RORB: variants seen among roughly 807,000 people sequenced by gnomAD.
RORB encodes the protein RAR related orphan receptor B.
RORB carries 6 observed loss-of-function variants against 59.1 expected under a neutral mutation model. That is an observed-to-expected ratio of 0.10 (90% CI 0.06 to 0.20). RORB has a LOEUF of 0.20. Among genes scored for constraint, RORB ranks in the 10% least tolerant of loss-of-function variants. The probability of loss-of-function intolerance (pLI) is 1.00; values close to 1 mark genes in which losing one functional copy is unlikely to be tolerated. For missense variants in RORB, 320 were observed against 560.5 expected, an observed-to-expected ratio of 0.57 and a Z score of 4.33; for synonymous variants, 215 against 204.5, an observed-to-expected ratio of 1.05 and a Z score of -0.44.
At chr9:74,534,257 A>C (rs898243785) in intron 1 of RORB, among the ~76,000 whole-genome samples, 6 of 151,962 alleles carry the variant, frequency 3.9e-5, no homozygotes, top group Non-Finnish European at 7.4e-5. Flanking sequence ...TGGTGAATGG[A>C]GGTTGGTAGT....
intron 1 of RORB, among the ~76,000 whole-genome samples, chr9:74,528,391 G>A (rs540267588): frequency 1.3e-5 from 2 of 152,106 alleles, no homozygotes; most frequent in East Asian, 1.9e-4. Context: ...AGGCATCAAC[G>A]TCTCAAGTGT....
chr9:74,683,487 A>G (rs1276711118), intron 9 of RORB, among the ~76,000 whole-genome samples: 1 of 152,142 alleles, frequency 6.6e-6, no homozygotes, highest in East Asian at 1.9e-4. Flanking sequence ...AACGTGAACT[A>G]TGAGGGCTTA....
intron 1 of RORB, among the ~76,000 whole-genome samples, chr9:74,560,695 T>C (rs925151351): frequency 5.9e-5 from 9 of 151,428 alleles, no homozygotes; most frequent in African/African-American, 2.2e-4. Flanking sequence ...AATAAAATAA[T>C]AAATTTATAT....
At chr9:74,531,926 T>C (rs1249740453) in intron 1 of RORB, among the ~76,000 whole-genome samples, 1 of 152,008 alleles carries the variant, frequency 6.6e-6, no homozygotes, top group East Asian at 1.9e-4. Context: ...CATTGCCATT[T>C]AAAGTTACAT....
At chr9:74,515,896 A>G (rs1313358410) in intron 1 of RORB, among the ~76,000 whole-genome samples, 1 of 152,092 alleles carries the variant, frequency 6.6e-6, no homozygotes, top group African/African-American at 2.4e-5. Flanking sequence ...AATCACAGAG[A>G]AACTTTTCAG....
At chr9:74,602,971 G>A (rs188098371) in intron 1 of RORB, among the ~76,000 whole-genome samples, 4 of 152,258 alleles carry the variant, frequency 2.6e-5, no homozygotes, top group East Asian at 1.9e-4. Flanking sequence ...TAATGTAAAC[G>A]AGTATAAGCC....
intron 1 of RORB, among the ~76,000 whole-genome samples, chr9:74,615,265 G>A (rs901742643): frequency 3.3e-5 from 5 of 152,160 alleles, no homozygotes; most frequent in African/African-American, 1.2e-4. Flanking sequence ...AAACAAAGGG[G>A]AATTTAAGTG....
chr9:74,569,712 AT>A (rs1378806549), intron 1 of RORB, among the ~76,000 whole-genome samples: 1 of 152,084 alleles, frequency 6.6e-6, no homozygotes, highest in African/African-American at 2.4e-5. Flanking sequence ...TTGGTTTAAA[AT>A]TTTAAAATAC....
At chr9:74,677,280 T>A (rs1005091759) in intron 9 of RORB, among the ~76,000 whole-genome samples, 1 of 152,224 alleles carries the variant, frequency 6.6e-6, no homozygotes, top group Non-Finnish European at 1.5e-5. Flanking sequence ...TCCTGACTTC[T>A]GACCTACTAT....
chr9:74,553,806 C>A (rs1038414821), intron 1 of RORB, among the ~76,000 whole-genome samples: 2 of 152,126 alleles, frequency 1.3e-5, no homozygotes, highest in Admixed American at 6.6e-5. Flanking sequence ...CCTACAAAAA[C>A]CAGAGTAGGC....
chr9:74,659,966 T>G (rs1239684662), intron 4 of RORB, among the ~76,000 whole-genome samples: 1 of 139,058 alleles, frequency 7.2e-6, no homozygotes, highest in Middle Eastern at 3.6e-3. Context: ...ATGGTCCCTA[T>G]GACCCAATTC....
chr9:74,642,394 T>G lies in RORB; in HGVS notation c.236-20T>G. On this transcript the variant is annotated intron_variant, in intron 3 of 9. Coordinates refer to ENST00000376896, the MANE Select transcript of RORB (RefSeq NM_006914.4). ...AATGATAACCACAAGTGCTGTTTTC[T>G]GCTTTTCTCTCCAACCCAGCTGTGA... The G allele has an allele frequency of 6.3e-7, 1 of 1,587,468 alleles. No homozygotes were observed. Among genetic ancestry groups the G allele is most frequent in the Non-Finnish European group, 8.6e-7 (1 of 1,166,254 alleles).
chr9:74,677,355 A>G (rs1824460317), intron 9 of RORB, among the ~76,000 whole-genome samples: 1 of 152,234 alleles, frequency 6.6e-6, no homozygotes, highest in African/African-American at 2.4e-5. Context: ...CTTTAGACTT[A>G]TATATACTTA....
intron 1 of RORB, among the ~76,000 whole-genome samples, chr9:74,523,918 A>G (rs1213250667): frequency 6.6e-6 from 1 of 151,088 alleles, no homozygotes; most frequent in Non-Finnish European, 1.5e-5. Flanking sequence ...GCTCTTGAGA[A>G]TGAGTCAATG....
intron 1 of RORB, among the ~76,000 whole-genome samples, chr9:74,532,280 C>T (rs1587345648): frequency 6.6e-6 from 1 of 152,040 alleles, no homozygotes; most frequent in East Asian, 1.9e-4. Flanking sequence ...AAATCTAACA[C>T]ATTCTCCAGC....
chr9:74,589,112 T>A (rs1172495942), intron 1 of RORB, among the ~76,000 whole-genome samples: 1 of 152,202 alleles, frequency 6.6e-6, no homozygotes, highest in African/African-American at 2.4e-5. Flanking sequence ...GAAACATCAC[T>A]TGAAAATAAT....
chr9:74,533,097 C>T (rs1003334968), intron 1 of RORB, among the ~76,000 whole-genome samples: 7 of 151,834 alleles, frequency 4.6e-5, no homozygotes, highest in African/African-American at 1.7e-4. Context: ...ACTTGCTTTA[C>T]TCATTACACC....
intron 9 of RORB, among the ~76,000 whole-genome samples, chr9:74,676,786 T>C (rs1824450678): frequency 6.6e-6 from 1 of 152,268 alleles, no homozygotes; most frequent in Non-Finnish European, 1.5e-5. Context: ...CCCGTTATTC[T>C]TCCTAAGCTC....
chr9:74,612,544 T>C (rs185172848), intron 1 of RORB, among the ~76,000 whole-genome samples: 2 of 152,204 alleles, frequency 1.3e-5, no homozygotes, highest in Non-Finnish European at 2.9e-5. Context: ...TGTCTCCAAC[T>C]CTGCCCTTTG....
Sources: allele counts gnomAD v4.1 joint callset (sites outside exome capture counted in the v4.1 genomes callset), GRCh38; gene constraint gnomAD v4.1.1; transcripts MANE v1.5; gene names NCBI Gene and HGNC (gene_info 2026-07-23, HGNC 2026-07-21).